Variants in NCKAP5 observed in about 807,000 individuals in gnomAD.
NCKAP5 encodes NCK associated protein 5.
A neutral mutation model predicts 167.0 loss-of-function variants in NCKAP5; 92 were observed. The ratio of observed to expected loss-of-function variants is 0.55; its 90% confidence interval spans 0.47 to 0.66. The LOEUF (loss-of-function observed/expected upper bound fraction) is 0.66, where lower values mean the gene tolerates loss of function less well. NCKAP5 is among the 30% of genes least tolerant of loss of function. The pLI, the probability that NCKAP5 is intolerant of heterozygous loss-of-function variation, is 0.00. For missense variants in NCKAP5, 2,378 were observed against 2,315.0 expected (o/e 1.03, Z -0.56); for synonymous variants, 891 against 877.4 (o/e 1.02, Z -0.27).
chr2:133,098,805 A>G (rs1219192223), intron 6 of NCKAP5, among the ~76,000 whole-genome samples: 4 of 152,208 alleles, frequency 2.6e-5, no homozygotes, highest in Admixed American at 2.0e-4. Flanking sequence ...AAAGAAACAC[A>G]TTATTAGTTT....
rs543940003 is a variant in NCKAP5 at position 133,409,946 on chromosome 2, T to A, written c.70-106836A>T. On this transcript the variant is annotated intron_variant, in intron 3 of 19. Transcript: ENST00000409261. ...TTAAGAGGTTATTTTAAAAATGTCC[T>A]AACAGAACTAATGACTAATAAAAAT... Among the ~76,000 whole-genome samples, 18 of 152,310 alleles carry A rather than the reference T, an allele frequency of 1.2e-4. No individual in the cohort carries two copies. The South Asian group carries it at 3.7e-3, about 32-fold the overall frequency.
At chr2:133,427,035 C>CA (rs776582880) in intron 3 of NCKAP5, among the ~76,000 whole-genome samples, 2 of 152,138 alleles carry the variant, frequency 1.3e-5, no homozygotes, top group Non-Finnish European at 2.9e-5. Context: ...GAGAGTTTTT[C>CA]ATAATGCAGT....
chr2:133,297,209 G>GTGTGTATGTGTGTT (rs1553610676), intron 4 of NCKAP5, among the ~76,000 whole-genome samples: 5 of 144,632 alleles, frequency 3.5e-5, no homozygotes, highest in African/African-American at 1.3e-4. Context: ...GTGTGTGTGT[G>GTGTGTATGTGTGTT]TTTTAAATCA....
At chr2:132,810,494 G>C (rs116737714) in intron 11 of NCKAP5, among the ~76,000 whole-genome samples, 6 of 151,964 alleles carry the variant, frequency 3.9e-5, no homozygotes, top group Non-Finnish European at 7.4e-5. Flanking sequence ...CATTGTCTTT[G>C]TTGGATTGGG....
At chr2:132,687,744 CA>C (rs1558922241) in intron 19 of NCKAP5, among the ~76,000 whole-genome samples, 1 of 148,786 alleles carries the variant, frequency 6.7e-6, no homozygotes, top group African/African-American at 2.6e-5. Context: ...CACACACACA[CA>C]CACACACACA....
In NCKAP5 at chr2:133,429,407, T is replaced by C. The variant is rs774525935; in HGVS notation, c.69+88051A>G. On this transcript the variant is annotated intron_variant, in intron 3 of 19. Coordinates refer to ENST00000409261, the MANE Select transcript of NCKAP5 (RefSeq NM_207363.3). ...GATTCTAATGATCCTATCACCCCAA[T>C]AGTGAATATAGTAACCAATAAAAAG... Among the ~76,000 whole-genome samples, 8 of 152,152 alleles carry C rather than the reference T, an allele frequency of 5.3e-5. 1 individual carries two copies. The Middle Eastern group carries it at 0.01, about 194-fold the overall frequency.
At chr2:133,127,418 C>T (rs1042512510) in intron 6 of NCKAP5, among the ~76,000 whole-genome samples, 4 of 152,160 alleles carry the variant, frequency 2.6e-5, no homozygotes, top group African/African-American at 7.2e-5. Context: ...TGACACTTTA[C>T]ATGAGAAAAC....
chr2:133,386,418 T>G (rs1048807393), intron 3 of NCKAP5, among the ~76,000 whole-genome samples: 1 of 152,224 alleles, frequency 6.6e-6, no homozygotes, highest in Non-Finnish European at 1.5e-5. Context: ...AGAGACAGTT[T>G]GTTATAATTT....
chr2:133,670,452 T>A, the NCKAP5 span, among the ~76,000 whole-genome samples: 7 of 152,250 alleles, frequency 4.6e-5, no homozygotes, highest in African/African-American at 1.7e-4. Flanking sequence ...GGATAACTCA[T>A]ATACATGAAT....
chr2:133,660,521 C>G, the NCKAP5 span, among the ~76,000 whole-genome samples: 1 of 152,184 alleles, frequency 6.6e-6, no homozygotes, highest in South Asian at 2.1e-4. Context: ...CTTTTATATA[C>G]TTTGTGGTAT....
At chr2:132,729,045 T>A in intron 17 of NCKAP5, 93 bp from the exon 18 acceptor site, 1 of 1,527,758 alleles carries the variant, frequency 6.5e-7, no homozygotes, top group Middle Eastern at 1.8e-4. Flanking sequence ...TCAGAAATAA[T>A]AAAAAAGGTC....
Position 132,673,309 on chromosome 2 carries a change from C to T in NCKAP5, c.5714-4G>A. On this transcript the variant is annotated splice_region_variant and splice_polypyrimidine_tract_variant and intron_variant, in intron 19 of 19. Coordinates refer to ENST00000409261, the MANE Select transcript of NCKAP5 (RefSeq NM_207363.3). ...TTTCTTCAAGTTGTCTCAATTTCTG[C>T]AATAAAAAGAAGAAAATATTAGAAA... is the stretch of plus-strand genomic sequence containing the variant. 6.9e-7 allele frequency: 1 copy of T among 1,456,348 alleles called. No individual in the cohort carries two copies. Among genetic ancestry groups the T allele is most frequent in the South Asian group, 1.3e-5 (1 of 76,544 alleles). The allele number at this position is 1,456,348 out of a possible 1,614,324, so 90.2% of individuals were successfully genotyped here. A position where few individuals can be genotyped will look rare whatever the true frequency, so the allele number is the denominator to read the frequency against.
At chr2:133,183,020 C>T (rs1233234575) in intron 5 of NCKAP5, among the ~76,000 whole-genome samples, 3 of 152,038 alleles carry the variant, frequency 2.0e-5, no homozygotes, top group Admixed American at 1.3e-4. Flanking sequence ...TGAAATGGGT[C>T]ATTTCCTTCA....
chr2:132,752,243 AG>A (rs2104795271), intron 16 of NCKAP5, among the ~76,000 whole-genome samples: 1 of 152,366 alleles, frequency 6.6e-6, no homozygotes, highest in East Asian at 1.9e-4. Context: ...CCCCGTGCAC[AG>A]GCCTCTGGCA....
chr2:132,927,607 T>G (rs1167024986), intron 8 of NCKAP5, among the ~76,000 whole-genome samples: 2 of 152,152 alleles, frequency 1.3e-5, no homozygotes, highest in Non-Finnish European at 2.9e-5. Context: ...TTCCCAGGGT[T>G]CTTTTGTTTG....
chr2:133,637,517 G>T, the NCKAP5 span, among the ~76,000 whole-genome samples: 37 of 50,534 alleles, frequency 7.3e-4, no homozygotes, highest in East Asian at 0.014. Context: ...AAAATATAAA[G>T]AAGCAATCTT....
chr2:132,702,451 A>G (rs1227612962), intron 19 of NCKAP5, among the ~76,000 whole-genome samples: 1 of 152,186 alleles, frequency 6.6e-6, no homozygotes, highest in East Asian at 1.9e-4. Flanking sequence ...AAACAGATCA[A>G]CTTAAAGGGG....
intron 2 of NCKAP5, among the ~76,000 whole-genome samples, chr2:133,547,978 G>C (rs1023273494): frequency 2.7e-5 from 4 of 146,802 alleles, no homozygotes; most frequent in African/African-American, 1.0e-4. Context: ...TGAAAACTTT[G>C]AAAAAAATTT....
At position 133,304,083 on chromosome 2, in the gene NCKAP5, T is replaced by C. The variant is rs939641124; in HGVS notation, c.70-973A>G. Among the ~76,000 whole-genome samples, 8 of 152,334 alleles carry C rather than the reference T, an allele frequency of 5.3e-5. No homozygotes were observed. In the South Asian group the frequency reaches 1.0e-3, roughly 20 times the overall value. The stretch of plus-strand genomic sequence containing the variant: ...CAAGAAAGCTAGAGTTCCATTTCTA[T>C]AGATTTGAAATAAACTGGGAACTTT... On this transcript the variant is annotated intron_variant, in intron 3 of 19. Coordinates refer to ENST00000409261, the MANE Select transcript of NCKAP5 (RefSeq NM_207363.3).
Sources: allele counts gnomAD v4.1 joint callset (sites outside exome capture counted in the v4.1 genomes callset), GRCh38; gene constraint gnomAD v4.1.1; transcripts MANE v1.5; gene names NCBI Gene and HGNC (gene_info 2026-07-23, HGNC 2026-07-21).